The following NRCAM variants were observed in gnomAD, a reference collection of about 807,000 sequenced individuals.
NRCAM encodes NgCAM-related cell adhesion molecule.
Under a neutral mutation model 156.5 loss-of-function variants are expected in NRCAM, and 83 were observed. The ratio of observed to expected loss-of-function variants is 0.53; its 90% CI spans 0.44 to 0.64. The LOEUF (loss-of-function observed/expected upper bound fraction) is 0.64, where lower values mean the gene tolerates loss of function less well. NRCAM is among the 30% of genes least tolerant of loss of function. The pLI, the probability that NRCAM is intolerant of heterozygous loss-of-function variation, is 0.00. For missense variants in NRCAM, 1,417 were observed against 1,597.3 expected (o/e 0.89, Z 1.92); for synonymous variants, 538 against 563.9 (o/e 0.95, Z 0.65).
chr7:108,233,897 TTACCAGGCA>T (rs1463533638), intron 6 of NRCAM, among the ~76,000 whole-genome samples: 2 of 152,180 alleles, frequency 1.3e-5, no homozygotes, highest in Admixed American at 6.6e-5. Context: ...TTACTTAGCA[TTACCAGGCA>T]TCAGTTTCCC....
At chr7:108,150,371 A>G (rs1261558092) in intron 32 of NRCAM, among the ~76,000 whole-genome samples, 1 of 152,190 alleles carries the variant, frequency 6.6e-6, no homozygotes. Context: ...GGCTCCCAAT[A>G]GTGTTTGTTA....
intron 28 of NRCAM, among the ~76,000 whole-genome samples, chr7:108,172,516 G>C (rs150073322): frequency 0.024 from 3,678 of 152,186 alleles, 72 homozygotes; most frequent in Middle Eastern, 0.088. Flanking sequence ...GGCTGGTCTC[G>C]AATTCCTGAC....
At chr7:108,198,316 T>C (rs1203632385) in intron 13 of NRCAM, among the ~76,000 whole-genome samples, 2 of 152,174 alleles carry the variant, frequency 1.3e-5, no homozygotes, top group African/African-American at 4.8e-5. Context: ...CTTAAGTCGA[T>C]TGATTCTGTA....
At chr7:108,288,975 G>C (rs943390918) in intron 3 of NRCAM, among the ~76,000 whole-genome samples, 1 of 152,142 alleles carries the variant, frequency 6.6e-6, no homozygotes, top group Non-Finnish European at 1.5e-5. Flanking sequence ...GTGGGGTAGG[G>C]GGTTGAAGAT....
chr7:108,446,615 G>A (rs1040664290), intron 1 of NRCAM, among the ~76,000 whole-genome samples: 16 of 152,086 alleles, frequency 1.1e-4, no homozygotes, highest in African/African-American at 3.9e-4. Flanking sequence ...CCCAATGCCT[G>A]GATGACTAGT....
At chr7:108,230,214 C>T (rs1182909865) in intron 8 of NRCAM, among the ~76,000 whole-genome samples, 1 of 151,488 alleles carries the variant, frequency 6.6e-6, no homozygotes, top group African/African-American at 2.4e-5. Context: ...TCCTTGATTC[C>T]TCTCTCTCAT....
intron 2 of NRCAM, among the ~76,000 whole-genome samples, chr7:108,369,520 T>C (rs561845718): frequency 6.6e-6 from 1 of 152,282 alleles, no homozygotes; most frequent in East Asian, 1.9e-4. Context: ...GCTCACTGTG[T>C]TTATCCTCTT....
chr7:108,388,020 T>C (rs1010729202), intron 2 of NRCAM, among the ~76,000 whole-genome samples: 1 of 152,106 alleles, frequency 6.6e-6, no homozygotes, highest in African/African-American at 2.4e-5. Context: ...AATAAACATA[T>C]GTGTGCATGT....
intron 3 of NRCAM, among the ~76,000 whole-genome samples, chr7:108,298,930 A>T (rs2098512241): frequency 6.7e-6 from 1 of 150,016 alleles, no homozygotes; most frequent in African/African-American, 2.4e-5. Flanking sequence ...ACATGGTGAA[A>T]CCCTGTCTCT....
At chr7:108,219,758 A>C (rs2091420036) in intron 11 of NRCAM, among the ~76,000 whole-genome samples, 2 of 152,188 alleles carry the variant, frequency 1.3e-5, no homozygotes, top group South Asian at 4.1e-4. Context: ...TGAGTGGGGA[A>C]AAGTTGAAAG....
chr7:108,191,931 A>T, intron 17 of NRCAM, 78 bp from the exon 18 acceptor site: 1 of 1,500,054 alleles, frequency 6.7e-7, no homozygotes, highest in Non-Finnish European at 9.0e-7. Flanking sequence ...GCAGGAAAAA[A>T]ACTGTAAATT....
chr7:108,449,191 G>A (rs1480115438), intron 1 of NRCAM, among the ~76,000 whole-genome samples: 1 of 152,194 alleles, frequency 6.6e-6, no homozygotes, highest in East Asian at 1.9e-4. Context: ...AACATTTCGG[G>A]TGTGCCATCC....
rs537564365 is a variant in NRCAM at position 108,306,972 on chromosome 7, C to G, written c.-107+5693G>C. Among the ~76,000 whole-genome samples the G allele has an allele frequency of 1.1e-4, 16 of 152,274 alleles. No homozygotes were observed. In the East Asian group the frequency reaches 2.9e-3, roughly 28 times the overall value. ...TCCCTGGGTGGGATTATGCACAGGACAGAGAGATGCCACTAAGCCATGCCA... is the reference window on the plus strand; with the variant it reads ...TCCCTGGGTGGGATTATGCACAGGAGAGAGAGATGCCACTAAGCCATGCCA... On this transcript the variant is annotated intron_variant, in intron 3 of 32. Coordinates refer to ENST00000379028, the MANE Select transcript of NRCAM (RefSeq NM_001037132.4).
chr7:108,413,693 G>A (rs975372658), intron 1 of NRCAM, among the ~76,000 whole-genome samples: 2 of 152,102 alleles, frequency 1.3e-5, no homozygotes, highest in Non-Finnish European at 2.9e-5. Flanking sequence ...AATATAGGGG[G>A]CAATTAACCA....
At chr7:108,181,046 C>T (rs2063177352) in intron 24 of NRCAM, among the ~76,000 whole-genome samples, 1 of 152,114 alleles carries the variant, frequency 6.6e-6, no homozygotes, top group African/African-American at 2.4e-5. Flanking sequence ...ATTGCAGGCA[C>T]AGGTTTTGGA....
At chr7:108,242,828 A>G (rs2095625953) in intron 3 of NRCAM, among the ~76,000 whole-genome samples, 1 of 152,186 alleles carries the variant, frequency 6.6e-6, no homozygotes, top group African/African-American at 2.4e-5. Context: ...AAACAGCTAC[A>G]TACAATTTCT....
At chr7:108,204,710 A>C (rs79734392) in intron 13 of NRCAM, among the ~76,000 whole-genome samples, 1 of 152,064 alleles carries the variant, frequency 6.6e-6, no homozygotes, top group Non-Finnish European at 1.5e-5. Context: ...CCCTGGATCT[A>C]TAGGAGCTAT....
chr7:108,431,375 T>G (rs1824917337), intron 1 of NRCAM, among the ~76,000 whole-genome samples: 1 of 152,212 alleles, frequency 6.6e-6, no homozygotes, highest in Admixed American at 6.5e-5. Flanking sequence ...ATCTAGACCT[T>G]GCATGGCACT....
intron 1 of NRCAM, among the ~76,000 whole-genome samples, chr7:108,425,610 TAC>T (rs1253033269): frequency 2.0e-5 from 3 of 152,226 alleles, no homozygotes; most frequent in African/African-American, 7.2e-5. Flanking sequence ...TTATAGTTCT[TAC>T]ATATATTTAA....
Sources: gnomAD v4.1 joint callset for allele counts (sites outside exome capture counted in the v4.1 genomes callset) on GRCh38, gnomAD v4.1.1 for gene constraint, MANE v1.5 for transcripts, NCBI Gene and HGNC (gene_info 2026-07-23, HGNC 2026-07-21) for gene names.